LTBP1: variants seen among roughly 807,000 people sequenced by gnomAD.
LTBP1 encodes latent-transforming growth factor beta-binding protein 1.
Under a neutral mutation model 207.6 loss-of-function variants are expected in LTBP1, and 129 were observed. The ratio of observed to expected loss-of-function variants is 0.62; its 90% CI spans 0.54 to 0.72. LTBP1 has a LOEUF of 0.72. LTBP1 is among the 30% of genes least tolerant of loss of function. LTBP1 has a pLI of 0.00. For synonymous variants in LTBP1, 963 were observed against 833.7 expected (o/e 1.16, Z -2.67); for missense variants, 2,281 against 2,217.2 (o/e 1.03, Z -0.58).
intron 29 of LTBP1, 21 bp downstream of exon 29, chr2:33,363,539 G>A (rs1424013719): frequency 1.9e-6 from 3 of 1,611,194 alleles, no homozygotes; most frequent in Non-Finnish European, 1.7e-6. Flanking sequence ...GGGGGATATA[G>A]TATGGTGTAC....
intron 3 of LTBP1, among the ~76,000 whole-genome samples, chr2:33,036,510 T>C (rs1232086864): frequency 6.6e-6 from 1 of 151,788 alleles, no homozygotes; most frequent in Non-Finnish European, 1.5e-5. Flanking sequence ...CAGGCTGGAG[T>C]GCAGTGGGGC....
chr2:33,166,522 T>C (rs2084933141), intron 5 of LTBP1, among the ~76,000 whole-genome samples: 1 of 152,232 alleles, frequency 6.6e-6, no homozygotes, highest in Non-Finnish European at 1.5e-5. Context: ...TGTTTTATTG[T>C]GGTAACTGAG....
chr2:33,117,436 C>T (rs1207518326), intron 4 of LTBP1, among the ~76,000 whole-genome samples: 5 of 152,164 alleles, frequency 3.3e-5, no homozygotes, highest in Admixed American at 2.6e-4. Context: ...AGAGTCTTTA[C>T]GGTTGCAGTC....
chr2:33,345,428 T>A (rs113945428), intron 25 of LTBP1, among the ~76,000 whole-genome samples: 2,249 of 152,372 alleles, frequency 0.015, 58 homozygotes, highest in African/African-American at 0.051. Flanking sequence ...TTGATTGAAT[T>A]ATTGCAGTCT....
intron 4 of LTBP1, among the ~76,000 whole-genome samples, chr2:33,114,869 A>G (rs2080639863): frequency 1.3e-5 from 2 of 152,206 alleles, no homozygotes; most frequent in Non-Finnish European, 2.9e-5. Context: ...GAGTTATCAT[A>G]TAACCCAGCA....
chr2:33,301,948 T>G (rs2093995615), intron 22 of LTBP1, among the ~76,000 whole-genome samples: 2 of 152,268 alleles, frequency 1.3e-5, no homozygotes, highest in Non-Finnish European at 2.9e-5. Flanking sequence ...TGTAACACCT[T>G]ATTTATGCAG....
chr2:33,367,441 G>A (rs1024360838), intron 31 of LTBP1, among the ~76,000 whole-genome samples: 2 of 151,952 alleles, frequency 1.3e-5, no homozygotes, highest in Admixed American at 6.6e-5. Context: ...TGTTTTTTGT[G>A]TACCCTTAAC....
chr2:32,959,315 T>A (rs909106560), intron 2 of LTBP1, among the ~76,000 whole-genome samples: 1 of 152,040 alleles, frequency 6.6e-6, no homozygotes, highest in Non-Finnish European at 1.5e-5. Context: ...TGGAGGCGAC[T>A]CTTCGGAGGG....
At chr2:33,194,274 C>G (rs915514523) in intron 7 of LTBP1, among the ~76,000 whole-genome samples, 2 of 151,990 alleles carry the variant, frequency 1.3e-5, no homozygotes, top group Non-Finnish European at 2.9e-5. Flanking sequence ...CGTGAGCCAC[C>G]GAGCCCGGCC....
chr2:33,065,800 T>C (rs2149686742), intron 3 of LTBP1, among the ~76,000 whole-genome samples: 1 of 152,334 alleles, frequency 6.6e-6, no homozygotes, highest in Middle Eastern at 3.4e-3. Context: ...TAAATATTTG[T>C]TAGAATTAAC....
chr2:33,170,292 C>T (rs2085302239), intron 5 of LTBP1, among the ~76,000 whole-genome samples: 4 of 152,218 alleles, frequency 2.6e-5, no homozygotes, highest in African/African-American at 9.6e-5. Flanking sequence ...AATCGGGTCA[C>T]TCCCACCCTA....
chr2:33,297,759 C>CA (rs754769613), intron 20 of LTBP1, among the ~76,000 whole-genome samples: 30 of 143,324 alleles, frequency 2.1e-4, no homozygotes, highest in South Asian at 1.3e-3. Context: ...AAAACAAAAA[C>CA]AAAAAACTAA....
intron 26 of LTBP1, among the ~76,000 whole-genome samples, chr2:33,354,787 G>T (rs1286159191): frequency 6.6e-6 from 1 of 151,332 alleles, no homozygotes; most frequent in Non-Finnish European, 1.5e-5. Flanking sequence ...TGTTGCCCAG[G>T]CTGGAGTGTA....
At chr2:32,953,798 T>C (rs956936459) in intron 2 of LTBP1, among the ~76,000 whole-genome samples, 3 of 152,176 alleles carry the variant, frequency 2.0e-5, no homozygotes, top group African/African-American at 7.2e-5. Context: ...TTTGTTGTCT[T>C]GGATATTTCA....
chr2:33,271,932 T>G (rs1258817526), intron 15 of LTBP1, among the ~76,000 whole-genome samples: 1 of 152,228 alleles, frequency 6.6e-6, no homozygotes, highest in Non-Finnish European at 1.5e-5. Context: ...ATTTTTCCTA[T>G]AATTTGATAA....
chr2:33,292,597 G>T (rs1221109470), intron 19 of LTBP1, among the ~76,000 whole-genome samples: 1 of 152,206 alleles, frequency 6.6e-6, no homozygotes, highest in African/African-American at 2.4e-5. Context: ...TTCAGCGTGT[G>T]CCCTACCTTC....
At chr2:33,229,440 C>T (rs888004794) in intron 9 of LTBP1, among the ~76,000 whole-genome samples, 2 of 151,778 alleles carry the variant, frequency 1.3e-5, no homozygotes, top group African/African-American at 4.8e-5. Context: ...TGCCACTGCA[C>T]TGAAGCCTGG....
At chr2:33,110,294 T>C (rs1465484599) in intron 3 of LTBP1, among the ~76,000 whole-genome samples, 1 of 152,202 alleles carries the variant, frequency 6.6e-6, no homozygotes, top group Non-Finnish European at 1.5e-5. Flanking sequence ...CTTATGGCAG[T>C]TGTGCTCTGA....
intron 4 of LTBP1, among the ~76,000 whole-genome samples, chr2:33,127,242 T>C (rs1157259046): frequency 1.3e-5 from 2 of 152,170 alleles, no homozygotes; most frequent in Middle Eastern, 3.2e-3. Flanking sequence ...TTTTTTTTCT[T>C]TTATGCAGAA....
Sources: allele counts gnomAD v4.1 joint callset (sites outside exome capture counted in the v4.1 genomes callset), GRCh38; gene constraint gnomAD v4.1.1; transcripts MANE v1.5; gene names NCBI Gene and HGNC (gene_info 2026-07-23, HGNC 2026-07-21).